DOCK7: variants seen among roughly 807,000 people sequenced by gnomAD.
DOCK7 encodes the protein dedicator of cytokinesis protein 7.
A neutral mutation model predicts 271.0 loss-of-function variants in DOCK7; 138 were observed. The ratio of observed to expected loss-of-function variants is 0.51; its 90% CI spans 0.44 to 0.59. The LOEUF is 0.59. DOCK7 is among the 20% of genes least tolerant of loss of function. DOCK7 has a pLI of 0.00. For missense variants in DOCK7, 2,066 were observed against 2,592.4 expected, an observed-to-expected ratio of 0.80 and a Z score of 4.41; for synonymous variants, 823 against 876.1, an observed-to-expected ratio of 0.94 and a Z score of 1.07.
intron 1 of DOCK7, among the ~76,000 whole-genome samples, chr1:62,665,487 C>T (rs1176499572): frequency 1.3e-5 from 2 of 151,698 alleles, no homozygotes; most frequent in African/African-American, 2.4e-5. Flanking sequence ...CAGCAGATCA[C>T]GAGGTCAAGA....
At chr1:62,505,607 A>G (rs1046696095) in intron 36 of DOCK7, 75 bp downstream of exon 36, 14 of 1,436,256 alleles carry the variant, frequency 9.7e-6, no homozygotes, top group Non-Finnish European at 1.3e-5. Context: ...TAACCAATGA[A>G]TGTGTCAAAT....
chr1:62,486,667 C>T (rs890437726), intron 43 of DOCK7: 1 of 151,976 alleles, frequency 6.6e-6, no homozygotes. Context: ...AACAATATAT[C>T]AAATGCTGTC....
chr1:62,672,820 T>TC (rs1660160401), intron 1 of DOCK7, among the ~76,000 whole-genome samples: 1 of 152,114 alleles, frequency 6.6e-6, no homozygotes, highest in African/African-American at 2.4e-5. Context: ...TCCATAAAGC[T>TC]CCTAAAGCTT....
At chr1:62,470,886 A>G (rs1645811246) in intron 48 of DOCK7, among the ~76,000 whole-genome samples, 1 of 151,994 alleles carries the variant, frequency 6.6e-6, no homozygotes, top group Non-Finnish European at 1.5e-5. Flanking sequence ...GATGTCTGTA[A>G]AGTTATACTG....
chr1:62,668,583 G>T (rs914675826), intron 1 of DOCK7, among the ~76,000 whole-genome samples: 1 of 152,124 alleles, frequency 6.6e-6, no homozygotes, highest in African/African-American at 2.4e-5. Flanking sequence ...AATGATATTT[G>T]TAATTTAGCT....
In DOCK7 at chr1:62,457,577, G is replaced by A; in HGVS notation, c.6341C>T (p.Pro2114Leu). Residue 2114 changes from proline (P) to leucine (L), a missense_variant, in exon 49 of 50, where the codon CCT becomes CTT. By Grantham distance (98) the Pro-to-Leu change is moderately conservative (BLOSUM62 -3). Coordinates refer to ENST00000635253, the MANE Select transcript of DOCK7 (RefSeq NM_001367561.1). ...AGGCAATACTGCCTTGTATAACTGAGGGATCTTTCTGTTGATCAGTGGCTG... is the reference window on the plus strand; with the variant it reads ...AGGCAATACTGCCTTGTATAACTGAAGGATCTTTCTGTTGATCAGTGGCTG... Reference protein sequence around the residue: ...ALQPLINRKIPQLYKAVLPVT... With the variant: ...ALQPLINRKILQLYKAVLPVT... 6.2e-7 allele frequency: 1 copy of A among 1,614,088 alleles called. No individual in the cohort carries two copies. The highest frequency in any genetic ancestry group is 8.5e-7 in the Non-Finnish European group (1 of 1,180,000).
chr1:62,642,545 GTACATAGT>G (rs1656166870), intron 7 of DOCK7, among the ~76,000 whole-genome samples: 1 of 151,938 alleles, frequency 6.6e-6, no homozygotes, highest in South Asian at 2.1e-4. Flanking sequence ...AACTTTTAAA[GTACATAGT>G]TAAGTTTTAA....
chr1:62,626,108 G>A (rs1484714000), intron 11 of DOCK7, among the ~76,000 whole-genome samples: 2 of 152,060 alleles, frequency 1.3e-5, no homozygotes, highest in Non-Finnish European at 2.9e-5. Context: ...ATTCACAAAT[G>A]TATGTAAGTA....
intron 1 of DOCK7, among the ~76,000 whole-genome samples, chr1:62,665,254 G>A (rs966754738): frequency 1.3e-5 from 2 of 152,128 alleles, no homozygotes; most frequent in Non-Finnish European, 2.9e-5. Context: ...CTCCCAAAGT[G>A]CTGGGATTAC....
At chr1:62,616,430 G>A (rs1557807221) in intron 14 of DOCK7, among the ~76,000 whole-genome samples, 1 of 149,826 alleles carries the variant, frequency 6.7e-6, no homozygotes, top group Admixed American at 6.7e-5. Context: ...TGAGGCTAAT[G>A]TAAGATAAAA....
intron 48 of DOCK7, among the ~76,000 whole-genome samples, chr1:62,466,988 T>A (rs1397577638): frequency 2.6e-5 from 4 of 152,036 alleles, no homozygotes; most frequent in African/African-American, 9.6e-5. Flanking sequence ...ACAAAATACA[T>A]TCCTAATTCA....
intron 17 of DOCK7, among the ~76,000 whole-genome samples, chr1:62,577,949 A>G (rs1198416149): frequency 6.6e-6 from 1 of 151,522 alleles, no homozygotes; most frequent in Non-Finnish European, 1.5e-5. Flanking sequence ...TTGAGACAAG[A>G]GTCTCACTCC....
At chr1:62,479,982 T>C (rs966792803) in intron 43 of DOCK7, among the ~76,000 whole-genome samples, 2 of 152,186 alleles carry the variant, frequency 1.3e-5, no homozygotes, top group Non-Finnish European at 2.9e-5. Flanking sequence ...GTAATATTAA[T>C]ATGCTGCTAC....
At chr1:62,667,456 A>G (rs986992015) in intron 1 of DOCK7, among the ~76,000 whole-genome samples, 2 of 152,240 alleles carry the variant, frequency 1.3e-5, no homozygotes, top group Admixed American at 1.3e-4. Flanking sequence ...TAGTGTAACT[A>G]TCTAAGTTCA....
chr1:62,577,216 A>G, intron 18 of DOCK7, 46 bp downstream of exon 18: 1 of 1,233,532 alleles, frequency 8.1e-7, no homozygotes, highest in Non-Finnish European at 1.1e-6. Flanking sequence ...ATAGTAAAAA[A>G]CCCATTTCAT....
intron 31 of DOCK7, among the ~76,000 whole-genome samples, chr1:62,518,839 C>T (rs964155389): frequency 6.6e-6 from 1 of 151,360 alleles, no homozygotes; most frequent in Non-Finnish European, 1.5e-5. Context: ...TAAATACATC[C>T]AATTTAATTA....
intron 17 of DOCK7, among the ~76,000 whole-genome samples, chr1:62,578,426 T>C (rs1439761238): frequency 1.3e-5 from 2 of 151,924 alleles, no homozygotes; most frequent in Non-Finnish European, 2.9e-5. Flanking sequence ...AATATTTAAA[T>C]AACAAGAAAC....
At chr1:62,676,547 T>G (rs544895339) in intron 1 of DOCK7, among the ~76,000 whole-genome samples, 12 of 151,502 alleles carry the variant, frequency 7.9e-5, no homozygotes, top group South Asian at 2.1e-4. Context: ...TAAAGCTGGG[T>G]TTTTTTTTCT....
chr1:62,480,571 C>A (rs1240330403), intron 43 of DOCK7, among the ~76,000 whole-genome samples: 1 of 152,000 alleles, frequency 6.6e-6, no homozygotes, highest in African/African-American at 2.4e-5. Context: ...AAATAAACGG[C>A]CAAGTGGACA....
Sources: allele counts gnomAD v4.1 joint callset (sites outside exome capture counted in the v4.1 genomes callset), GRCh38; gene constraint gnomAD v4.1.1; transcripts MANE v1.5; gene names NCBI Gene and HGNC (gene_info 2026-07-23, HGNC 2026-07-21).